The following PHF14 variants were observed in gnomAD, a reference collection of about 807,000 sequenced individuals.
The protein encoded by PHF14 is PHD finger protein 14.
PHF14 carries 55 observed loss-of-function variants against 117.9 expected under a neutral mutation model. The observed-to-expected ratio is 0.47, with a 90% CI of 0.38 to 0.58. The LOEUF (loss-of-function observed/expected upper bound fraction) is 0.58, where lower values mean the gene tolerates loss of function less well. PHF14 is among the 20% of genes least tolerant of loss of function. The pLI is 0.00. For missense variants in PHF14, 978 were observed against 1,122.2 expected, an observed-to-expected ratio of 0.87 and a Z score of 1.84; for synonymous variants, 409 against 368.6, an observed-to-expected ratio of 1.11 and a Z score of -1.26.
chr7:11,014,163 C>T (rs12672069), intron 5 of PHF14, among the ~76,000 whole-genome samples: 1,918 of 152,090 alleles, frequency 0.013, 39 homozygotes, highest in East Asian at 0.1. Context: ...CAGGTGGTAA[C>T]GTTTCTCATT....
chr7:11,092,016 C>A (rs1375016917), intron 16 of PHF14, among the ~76,000 whole-genome samples: 1 of 152,138 alleles, frequency 6.6e-6, no homozygotes, highest in Non-Finnish European at 1.5e-5. Context: ...AATTTAATTA[C>A]CATGTAGCAG....
intron 17 of PHF14, among the ~76,000 whole-genome samples, chr7:11,169,148 A>C (rs1299185291): frequency 6.6e-6 from 1 of 152,144 alleles, no homozygotes; most frequent in Non-Finnish European, 1.5e-5. Context: ...CCTGCAAAGA[A>C]CACTTTTCAG....
At chr7:11,152,508 A>G (rs1788729921) in intron 17 of PHF14, among the ~76,000 whole-genome samples, 1 of 152,148 alleles carries the variant, frequency 6.6e-6, no homozygotes, top group East Asian at 1.9e-4. Context: ...GAAGTACTCA[A>G]AAAGTCAAAA....
intron 16 of PHF14, among the ~76,000 whole-genome samples, chr7:11,066,894 T>C (rs1785441148): frequency 6.6e-6 from 1 of 152,212 alleles, no homozygotes; most frequent in Non-Finnish European, 1.5e-5. Context: ...TTGTCCATTT[T>C]CATTTTAAAA....
chr7:10,976,989 G>C (rs1388658296), intron 2 of PHF14, among the ~76,000 whole-genome samples: 2 of 151,450 alleles, frequency 1.3e-5, no homozygotes, highest in African/African-American at 2.4e-5. Context: ...AAAATGATTA[G>C]TAGTCAACAG....
In PHF14 at chr7:11,053,666, T is replaced by A. The variant is rs116276734; in HGVS notation, c.2481+1886T>A. 6.1e-3 allele frequency among the ~76,000 whole-genome samples: 926 copies of A among 152,190 alleles called. 12 individuals carry two copies. The highest frequency in any genetic ancestry group is 0.021 in the African/African-American group (883 of 41,568). On this transcript the variant is annotated intron_variant, in intron 14 of 17. Transcript: ENST00000634607. ...TGACTAGTATTATCATCCTTAACTT[T>A]GGAGTTATCATATAGAGGGAAATTA...
chr7:11,063,438 CT>C (rs1287288284), intron 16 of PHF14: 157 of 972,350 alleles, frequency 1.6e-4, no homozygotes, highest in Non-Finnish European at 1.9e-4. Context: ...AAATAACAAT[CT>C]TATATAATGA....
At chr7:10,985,198 G>C (rs1263750015) in intron 3 of PHF14, among the ~76,000 whole-genome samples, 1 of 152,088 alleles carries the variant, frequency 6.6e-6, no homozygotes, top group Non-Finnish European at 1.5e-5. Flanking sequence ...ATTAAAGCTA[G>C]TCCTTGTTGC....
At chr7:11,136,042 C>T (rs1419477486) in intron 17 of PHF14, among the ~76,000 whole-genome samples, 1 of 152,084 alleles carries the variant, frequency 6.6e-6, no homozygotes, top group Non-Finnish European at 1.5e-5. Context: ...TTTTGGTATA[C>T]ATAAGTAACA....
intron 16 of PHF14, among the ~76,000 whole-genome samples, chr7:11,069,779 TC>T (rs1400643413): frequency 2.1e-4 from 31 of 151,218 alleles, no homozygotes; most frequent in African/African-American, 6.3e-4. Flanking sequence ...TAAGTGATCC[TC>T]CTGAGTAGCT....
intron 17 of PHF14, among the ~76,000 whole-genome samples, chr7:11,152,638 T>C (rs533721217): frequency 2.0e-5 from 3 of 151,450 alleles, no homozygotes; most frequent in Non-Finnish European, 4.4e-5. Context: ...GACTAACTTA[T>C]AAGGATATCG....
chr7:11,015,720 C>G (rs1323981985), intron 5 of PHF14, among the ~76,000 whole-genome samples: 1 of 151,842 alleles, frequency 6.6e-6, no homozygotes, highest in African/African-American at 2.4e-5. Context: ...TAAATGTCTC[C>G]TTACTCTTAC....
At chr7:11,043,969 C>T (rs1425023233) in intron 13 of PHF14, among the ~76,000 whole-genome samples, 2 of 151,788 alleles carry the variant, frequency 1.3e-5, no homozygotes, top group South Asian at 2.1e-4. Context: ...TGGTTTCCAG[C>T]ATGTGAGAGT....
chr7:11,103,290 T>C, intron 16 of PHF14: 5 of 854,992 alleles, frequency 5.8e-6, no homozygotes, highest in Non-Finnish European at 7.0e-6. Flanking sequence ...CCCAAATATA[T>C]TCAGTCCTTA....
intron 17 of PHF14, among the ~76,000 whole-genome samples, chr7:11,151,782 AAAAT>A (rs1788709002): frequency 6.6e-6 from 1 of 152,008 alleles, no homozygotes; most frequent in Non-Finnish European, 1.5e-5. Flanking sequence ...TCTTGCTTGG[AAAAT>A]AACTTATTTT....
chr7:10,974,514 T>C (rs991832787), intron 1 of PHF14, among the ~76,000 whole-genome samples, 190 bp downstream of exon 1: 4 of 152,164 alleles, frequency 2.6e-5, no homozygotes, highest in African/African-American at 9.7e-5. Context: ...TTATTGACTG[T>C]TACGATGTCT....
chr7:11,122,743 G>A (rs1787813641), intron 17 of PHF14, among the ~76,000 whole-genome samples: 1 of 152,090 alleles, frequency 6.6e-6, no homozygotes, highest in South Asian at 2.1e-4. Flanking sequence ...AATTATAAGA[G>A]TATGGTCCAC....
intron 17 of PHF14, among the ~76,000 whole-genome samples, chr7:11,150,847 C>A (rs1788681758): frequency 6.6e-6 from 1 of 152,176 alleles, no homozygotes; most frequent in Non-Finnish European, 1.5e-5. Flanking sequence ...CAAATGTCTA[C>A]TGTGGTTCAC....
chr7:11,139,196 T>A (rs1788333683), intron 17 of PHF14, among the ~76,000 whole-genome samples: 1 of 152,140 alleles, frequency 6.6e-6, no homozygotes, highest in Non-Finnish European at 1.5e-5. Flanking sequence ...GAATTATTTA[T>A]AATTTGTTTT....
Sources: gnomAD v4.1 joint callset for allele counts (sites outside exome capture counted in the v4.1 genomes callset) on GRCh38, gnomAD v4.1.1 for gene constraint, MANE v1.5 for transcripts, NCBI Gene and HGNC (gene_info 2026-07-23, HGNC 2026-07-21) for gene names.